The following DAP variants were observed in gnomAD, a reference collection of about 807,000 sequenced individuals.
DAP encodes the protein death associated protein, also known as death-associated protein 1.
DAP carries 8 observed loss-of-function variants against 13.8 expected under a neutral mutation model. That is an observed-to-expected ratio of 0.58 (90% CI 0.34 to 1.05). The LOEUF (loss-of-function observed/expected upper bound fraction) is 1.05, where lower values mean the gene tolerates loss of function less well. Ranked by LOEUF, DAP falls within the 50% of genes least tolerant of loss-of-function variation. DAP has a pLI of 0.03. For synonymous variants in DAP, 47 were observed against 47.5 expected (o/e 0.99, Z 0.04); for missense variants, 106 against 133.2 (o/e 0.80, Z 1.01).
At chr5:10,736,013 T>A (rs778727425) in intron 2 of DAP, among the ~76,000 whole-genome samples, 1 of 152,178 alleles carries the variant, frequency 6.6e-6, no homozygotes, top group Non-Finnish European at 1.5e-5. Context: ...AGGCCCCTAA[T>A]GCAATAGGAC....
intron 2 of DAP, among the ~76,000 whole-genome samples, chr5:10,730,361 G>A (rs1330187033): frequency 2.0e-5 from 3 of 152,280 alleles, no homozygotes; most frequent in Middle Eastern, 3.4e-3. Flanking sequence ...ATGAGGACAC[G>A]AAACCCTGTC....
chr5:10,711,415 G>A (rs984962258), intron 2 of DAP, among the ~76,000 whole-genome samples: 25 of 152,220 alleles, frequency 1.6e-4, no homozygotes, highest in African/African-American at 5.3e-4. Flanking sequence ...TGGTCTCACC[G>A]GGGCGTAACT....
chr5:10,744,450 A>G (rs1739851177), intron 2 of DAP, among the ~76,000 whole-genome samples: 1 of 152,220 alleles, frequency 6.6e-6, no homozygotes, highest in Non-Finnish European at 1.5e-5. Flanking sequence ...TTGTAAAGTG[A>G]TAATTAGACC....
intron 2 of DAP, among the ~76,000 whole-genome samples, chr5:10,727,523 A>T (rs1739319708): frequency 6.6e-6 from 1 of 152,118 alleles, no homozygotes; most frequent in Admixed American, 6.5e-5. Context: ...CCTGATGCTC[A>T]AGGGCCCGAC....
intron 2 of DAP, among the ~76,000 whole-genome samples, chr5:10,737,607 A>C (rs895778263): frequency 1.3e-5 from 2 of 152,230 alleles, no homozygotes; most frequent in Non-Finnish European, 2.9e-5. Context: ...AAAAATTCCC[A>C]GGCATACATG....
chr5:10,755,477 C>T (rs1345601717), intron 1 of DAP, among the ~76,000 whole-genome samples: 1 of 151,562 alleles, frequency 6.6e-6, no homozygotes, highest in Non-Finnish European at 1.5e-5. Flanking sequence ...CACTTGTGGG[C>T]CACACCATAC....
intron 2 of DAP, among the ~76,000 whole-genome samples, chr5:10,686,613 G>A (rs1049163244): frequency 1.3e-5 from 2 of 152,198 alleles, no homozygotes; most frequent in Non-Finnish European, 2.9e-5. Context: ...CTAGAGAAAG[G>A]CCCTAACTCC....
At chr5:10,722,535 T>TAC (rs1739171483) in intron 2 of DAP, among the ~76,000 whole-genome samples, 1 of 149,032 alleles carries the variant, frequency 6.7e-6, no homozygotes, top group Non-Finnish European at 1.5e-5. Flanking sequence ...TACATGCATA[T>TAC]ATATACATAT....
At chr5:10,689,443 ACAGGAGTCAT>A (rs1285297901) in intron 2 of DAP, among the ~76,000 whole-genome samples, 1 of 152,206 alleles carries the variant, frequency 6.6e-6, no homozygotes, top group African/African-American at 2.4e-5. Flanking sequence ...CTAAGAGTCC[ACAGGAGTCAT>A]TCACAGATGG....
At chr5:10,755,918 T>C (rs1169876241) in intron 1 of DAP, among the ~76,000 whole-genome samples, 1 of 152,096 alleles carries the variant, frequency 6.6e-6, no homozygotes, top group African/African-American at 2.4e-5. Flanking sequence ...GAGGCCAAGG[T>C]GGGCAGGTCG....
intron 2 of DAP, among the ~76,000 whole-genome samples, chr5:10,713,254 A>T (rs2126653364): frequency 6.6e-6 from 1 of 152,346 alleles, no homozygotes; most frequent in Non-Finnish European, 1.5e-5. Context: ...AGGTCAACTG[A>T]CTAGGGCAAG....
chr5:10,740,025 T>C (rs1049846599), intron 2 of DAP, among the ~76,000 whole-genome samples: 1 of 152,196 alleles, frequency 6.6e-6, no homozygotes, highest in African/African-American at 2.4e-5. Flanking sequence ...AGCCTGGATG[T>C]TGGACTCATC....
intron 2 of DAP, among the ~76,000 whole-genome samples, chr5:10,704,931 T>C (rs1738663390): frequency 6.6e-6 from 1 of 152,268 alleles, no homozygotes; most frequent in East Asian, 1.9e-4. Context: ...CCTCAAACTT[T>C]CTGGCTAGCT....
At chr5:10,735,866 G>A (rs187751143) in intron 2 of DAP, among the ~76,000 whole-genome samples, 3 of 152,226 alleles carry the variant, frequency 2.0e-5, no homozygotes, top group Non-Finnish European at 4.4e-5. Flanking sequence ...CTGCTTGCTT[G>A]TTGTGGGTTG....
chr5:10,680,754 G>A lies in DAP; in HGVS notation c.*302C>T. On this transcript the variant is annotated 3_prime_UTR_variant, in exon 4 of 4. Transcript: ENST00000230895. ...TTAAGACCATAGACAAGGACGTCAG[G>A]TGACTGCTGAAATAGAACTAAAGCT... is the stretch of plus-strand genomic sequence containing the variant. The A allele has an allele frequency of 6.5e-7, 1 of 1,536,448 alleles. No individual in the cohort carries two copies. Among genetic ancestry groups the A allele is most frequent in the Non-Finnish European group, 8.7e-7 (1 of 1,146,964 alleles).
chr5:10,737,426 C>G (rs1377433363), intron 2 of DAP, among the ~76,000 whole-genome samples: 1 of 151,952 alleles, frequency 6.6e-6, no homozygotes, highest in Non-Finnish European at 1.5e-5. Flanking sequence ...GCTCAGCATC[C>G]CTGGTCTACT....
At chr5:10,682,666 G>A (rs1305011095) in intron 3 of DAP, among the ~76,000 whole-genome samples, 1 of 152,266 alleles carries the variant, frequency 6.6e-6, no homozygotes, top group East Asian at 1.9e-4. Context: ...CCTTGTGGGT[G>A]TTAGGGGGCC....
intron 2 of DAP, among the ~76,000 whole-genome samples, chr5:10,704,017 G>A (rs1738643140): frequency 1.3e-5 from 2 of 152,232 alleles, no homozygotes; most frequent in African/African-American, 4.8e-5. Flanking sequence ...CTGAACCTGG[G>A]AACAGGGCGT....
chr5:10,756,752 C>T (rs1740193816), intron 1 of DAP, among the ~76,000 whole-genome samples: 1 of 152,212 alleles, frequency 6.6e-6, no homozygotes, highest in Admixed American at 6.5e-5. Context: ...ACACATCTCA[C>T]TGCCACAGAC....
Sources: gnomAD v4.1 joint callset for allele counts (sites outside exome capture counted in the v4.1 genomes callset) on GRCh38, gnomAD v4.1.1 for gene constraint, MANE v1.5 for transcripts, NCBI Gene and HGNC (gene_info 2026-07-23, HGNC 2026-07-21) for gene names.